Variants in PRELID2 observed in about 807,000 individuals in gnomAD.
The protein encoded by PRELID2 is PRELI domain containing 2, also known as PRELI domain-containing protein 2.
In PRELID2, 25 loss-of-function variants were observed where a neutral mutation model predicts 28.4. The ratio of observed to expected loss-of-function variants is 0.88; its 90% confidence interval spans 0.64 to 1.23. The LOEUF (loss-of-function observed/expected upper bound fraction) is 1.23. Ranked by LOEUF, PRELID2 falls within the 50% of genes most tolerant of loss-of-function variation. The pLI, the probability that PRELID2 is intolerant of heterozygous loss-of-function variation, is 0.00. For missense variants in PRELID2, 201 were observed against 214.4 expected (o/e 0.94, Z 0.39); for synonymous variants, 76 against 71.6 (o/e 1.06, Z -0.31).
At chr5:145,501,654 G>C (rs952216355) in intron 1 of PRELID2, among the ~76,000 whole-genome samples, 1 of 152,052 alleles carries the variant, frequency 6.6e-6, no homozygotes, top group African/African-American at 2.4e-5. Flanking sequence ...GTCCTCCCCA[G>C]CCATGTGGAA....
At chr5:145,388,937 CTTAT>C in the PRELID2 span, among the ~76,000 whole-genome samples, 1 of 152,100 alleles carries the variant, frequency 6.6e-6, no homozygotes, top group Non-Finnish European at 1.5e-5. Flanking sequence ...TCTGCATGTA[CTTAT>C]TTATTTTGCT....
intron 1 of PRELID2, among the ~76,000 whole-genome samples, chr5:145,566,379 C>T (rs1752967825): frequency 6.6e-6 from 1 of 152,086 alleles, no homozygotes; most frequent in Non-Finnish European, 1.5e-5. Flanking sequence ...GACTGAAACA[C>T]AAAGGGAATG....
intron 1 of PRELID2, among the ~76,000 whole-genome samples, chr5:145,487,110 AGGGATAGCACT>A (rs1257957569): frequency 6.8e-5 from 6 of 88,674 alleles, no homozygotes; most frequent in Non-Finnish European, 1.3e-4. Flanking sequence ...GGGAGGGGGG[AGGGATAGCACT>A]GGGAGATATA....
chr5:145,306,287 T>C, the PRELID2 span, among the ~76,000 whole-genome samples: 141 of 152,328 alleles, frequency 9.3e-4, no homozygotes, highest in Non-Finnish European at 1.5e-3. Context: ...GTCACTTGTT[T>C]ACATTGGTAA....
At chr5:145,806,760 G>C (rs1753541529) in intron 4 of PRELID2, among the ~76,000 whole-genome samples, 1 of 152,122 alleles carries the variant, frequency 6.6e-6, no homozygotes, top group South Asian at 2.1e-4. Context: ...CTGACAGTGA[G>C]AGAGTTCTCA....
the PRELID2 span, among the ~76,000 whole-genome samples, chr5:145,280,067 G>A: frequency 1.3e-5 from 2 of 152,086 alleles, no homozygotes; most frequent in African/African-American, 4.8e-5. Context: ...AAGCCATTTT[G>A]ATTGATTTAC....
chr5:145,486,149 T>C (rs1416344430), intron 1 of PRELID2, among the ~76,000 whole-genome samples: 5 of 152,190 alleles, frequency 3.3e-5, no homozygotes, highest in African/African-American at 1.2e-4. Flanking sequence ...TATAGGGGGA[T>C]AGAGCCAAGT....
chr5:145,817,425 A>ATATATATATTTATATATATT (rs1440834824), intron 4 of PRELID2, among the ~76,000 whole-genome samples: 1 of 133,920 alleles, frequency 7.5e-6, no homozygotes, highest in Non-Finnish European at 1.6e-5. Context: ...CTAGTTTTAT[A>ATATATATATTTATATATATT]TATATATATA....
chr5:145,449,291 A>G, the PRELID2 span, among the ~76,000 whole-genome samples: 34,246 of 151,964 alleles, frequency 0.23, 4,133 homozygotes, highest in South Asian at 0.35. Context: ...AAGGATGGTG[A>G]ATGAGGGGGT....
At chr5:145,294,813 A>C in the PRELID2 span, among the ~76,000 whole-genome samples, 1 of 152,104 alleles carries the variant, frequency 6.6e-6, no homozygotes, top group Non-Finnish European at 1.5e-5. Context: ...AGTTCTCATA[A>C]CTTATAAGTG....
chr5:145,621,007 AAACT>A (rs1452171796), intron 1 of PRELID2, among the ~76,000 whole-genome samples: 1 of 152,218 alleles, frequency 6.6e-6, no homozygotes, highest in Non-Finnish European at 1.5e-5. Flanking sequence ...CATACCAGAA[AAACT>A]AACTGCCAAA....
rs1343532067 is a variant in PRELID2 at position 145,757,905 on chromosome 5, T to C, written c.*2631A>G. Among the ~76,000 whole-genome samples the C allele has an allele frequency of 1.3e-5, 2 of 149,612 alleles. No homozygotes were observed. The highest frequency in any genetic ancestry group is 4.9e-5 in the African/African-American group (2 of 40,446). ...TGCCTGCAGGGGGAAAATTACTGAG[T>C]GAGGAAAAGTAATCCCTGAGGATTA... On this transcript the variant is annotated 3_prime_UTR_variant, in exon 7 of 7. Coordinates refer to ENST00000683046, the MANE Select transcript of PRELID2 (RefSeq NM_205846.3).
At chr5:145,667,614 C>T (rs1754619958) in intron 1 of PRELID2, among the ~76,000 whole-genome samples, 1 of 152,024 alleles carries the variant, frequency 6.6e-6, no homozygotes, top group African/African-American at 2.4e-5. Flanking sequence ...CAGTATGCTG[C>T]TATTTACTAT....
At chr5:145,482,838 C>T (rs903146535) in intron 1 of PRELID2, among the ~76,000 whole-genome samples, 1 of 151,720 alleles carries the variant, frequency 6.6e-6, no homozygotes, top group African/African-American at 2.4e-5. Context: ...AAGACTTATG[C>T]AACCTAGATC....
the PRELID2 span, among the ~76,000 whole-genome samples, chr5:145,249,244 A>C: frequency 6.6e-6 from 1 of 152,194 alleles, no homozygotes; most frequent in Non-Finnish European, 1.5e-5. Context: ...TTCCCGGCAC[A>C]CAAGCTCTTG....
At chr5:145,514,668 T>C (rs1375105895) in intron 1 of PRELID2, among the ~76,000 whole-genome samples, 1 of 151,978 alleles carries the variant, frequency 6.6e-6, no homozygotes, top group African/African-American at 2.4e-5. Context: ...TCTACAGAAC[T>C]CTCCACCCCA....
intron 1 of PRELID2, among the ~76,000 whole-genome samples, chr5:145,578,739 G>A (rs1235127943): frequency 6.6e-6 from 1 of 152,018 alleles, no homozygotes; most frequent in Non-Finnish European, 1.5e-5. Flanking sequence ...AGTCTTAGTG[G>A]TACCTATTTA....
At chr5:145,466,401 C>T in the PRELID2 span, among the ~76,000 whole-genome samples, 1 of 152,072 alleles carries the variant, frequency 6.6e-6, no homozygotes, top group Non-Finnish European at 1.5e-5. Flanking sequence ...TAGTTTACTA[C>T]TTGGAAATAG....
At chr5:145,237,553 G>A in the PRELID2 span, among the ~76,000 whole-genome samples, 32 of 152,058 alleles carry the variant, frequency 2.1e-4, no homozygotes, top group African/African-American at 7.5e-4. Flanking sequence ...AAATTGAGAG[G>A]TGGTGACACA....
Sources: allele counts gnomAD v4.1 joint callset (sites outside exome capture counted in the v4.1 genomes callset), GRCh38; gene constraint gnomAD v4.1.1; transcripts MANE v1.5; gene names NCBI Gene and HGNC (gene_info 2026-07-23, HGNC 2026-07-21).